SLC39A12: variants seen among roughly 807,000 people sequenced by gnomAD.
SLC39A12 encodes the protein solute carrier family 39 member 12.
SLC39A12 carries 63 observed loss-of-function variants against 71.1 expected under a neutral mutation model. The ratio of observed to expected loss-of-function variants is 0.89; its 90% CI spans 0.72 to 1.09. SLC39A12 has a LOEUF of 1.09. SLC39A12 is among the 50% of genes least tolerant of loss of function. SLC39A12 has a pLI of 0.00. For missense variants in SLC39A12, 892 were observed against 812.6 expected (o/e 1.10, Z -1.19); for synonymous variants, 351 against 301.3 (o/e 1.16, Z -1.71).
chr10:18,041,535 T>TAC lies in SLC39A12; in HGVS notation c.1948-1149_1948-1148dup, dbSNP rs56222977. ...TTATATATATATATATGTATATATA[T>TAC]ACACACACACACACACACACACGCA... On this transcript the variant is annotated intron_variant, in intron 12 of 12. Coordinates refer to ENST00000377369, the MANE Select transcript of SLC39A12 (RefSeq NM_001145195.2). Among the ~76,000 whole-genome samples the TAC allele has an allele frequency of 5.0e-3, 602 of 120,688 alleles. 20 individuals are homozygous for TAC. The highest frequency in any genetic ancestry group is 0.013 in the African/African-American group (434 of 32,232). 79.2% of individuals were successfully genotyped at this position (120,688 alleles called of 152,430 possible). A position where few individuals can be genotyped will look rare whatever the true frequency, so the allele number is the denominator to read the frequency against.
At position 18,043,244 on chromosome 10, in the gene SLC39A12, G is replaced by C. The variant is rs907791995; in HGVS notation, c.*411G>C. On this transcript the variant is annotated 3_prime_UTR_variant, in exon 13 of 13. Transcript: ENST00000377369. ...TTCCCTGTGCAATTATAAACTATAA[G>C]CAAGTTAAGTGACAAGCAAATGTAA... The C allele has an allele frequency of 6.5e-6, 1 of 153,468 alleles. No individual in the cohort carries two copies. The highest frequency in any genetic ancestry group is 2.4e-5 in the African/African-American group (1 of 41,442). 9.5% of individuals were successfully genotyped at this position (153,468 alleles called of 1,614,324 possible).
At chr10:17,994,626 T>A (rs1435710115) in intron 9 of SLC39A12, among the ~76,000 whole-genome samples, 1 of 152,180 alleles carries the variant, frequency 6.6e-6, no homozygotes, top group Non-Finnish European at 1.5e-5. Flanking sequence ...GATCACAATG[T>A]TTTTTGTTTC....
At position 17,981,338 on chromosome 10, in the gene SLC39A12, G is replaced by A. The variant is rs775528646; in HGVS notation, c.951G>A (p.Val317=). ...DQTCFSARQL[V]EIFLQKGLSL... The stretch of plus-strand genomic sequence containing the variant: ...CCTGCTTCTCTGCTAGGCAGCTGGT[G>A]GAGATATTTCTACAGAAGGGCCTCT... The change falls in exon 6 of 13, where the codon GTG becomes GTA. Residue 317 remains valine (V), a synonymous_variant. Coordinates refer to ENST00000377369, the MANE Select transcript of SLC39A12 (RefSeq NM_001145195.2). 1 of 1,612,182 alleles carries A rather than the reference G, an allele frequency of 6.2e-7. No homozygotes were observed. The highest frequency in any genetic ancestry group is 8.5e-7 in the Non-Finnish European group (1 of 1,178,898).
At position 17,953,468 on chromosome 10, in the gene SLC39A12, C is replaced by T; in HGVS notation, c.192C>T (p.Leu64=). 1 of 1,614,176 alleles carries T rather than the reference C, an allele frequency of 6.2e-7. No homozygotes were observed. Among genetic ancestry groups the T allele is most frequent in the Non-Finnish European group, 8.5e-7 (1 of 1,180,044 alleles). Residue 64 remains leucine (L), a synonymous_variant, in exon 2 of 13, where the codon CTC becomes CTT. Coordinates refer to ENST00000377369, the MANE Select transcript of SLC39A12 (RefSeq NM_001145195.2). ...CACCCCACAACCACTCAAGAAGCCTCATCAAAACATTGTTGGAGAAAACTG... is the reference window on the plus strand; with the variant it reads ...CACCCCACAACCACTCAAGAAGCCTTATCAAAACATTGTTGGAGAAAACTG... ...DHPPHNHSRS[L]IKTLLEKTGC... is the part of the protein sequence containing the mutation.
intron 5 of SLC39A12, 117 bp from the exon 6 acceptor site, chr10:17,981,195 T>A: frequency 1.2e-6 from 1 of 831,086 alleles, no homozygotes; most frequent in Non-Finnish European, 1.8e-6. Flanking sequence ...TCGTACCGGC[T>A]TCATGTGTGT....
At chr10:18,028,594 T>C (rs531239738) in intron 12 of SLC39A12, among the ~76,000 whole-genome samples, 1 of 152,236 alleles carries the variant, frequency 6.6e-6, no homozygotes, top group Non-Finnish European at 1.5e-5. Flanking sequence ...TAGGACCAGA[T>C]GCTGGTATTT....
In SLC39A12 at chr10:17,987,465, C is replaced by A. The variant is rs1302209386; in HGVS notation, c.1097-14C>A. On this transcript the variant is annotated splice_polypyrimidine_tract_variant and intron_variant, in intron 6 of 12. Transcript: ENST00000377369. ...ACTGGGCACTGACTGTGTTTACGAT[C>A]TCCTTTGACTTAGAATACGGCTACA... The A allele has an allele frequency of 6.2e-7, 1 of 1,612,578 alleles. No individual in the cohort carries two copies. Among genetic ancestry groups the A allele is most frequent in the Non-Finnish European group, 8.5e-7 (1 of 1,179,434 alleles).
At chr10:17,995,625 C>A (rs1380823116) in intron 9 of SLC39A12, 31 bp from the exon 10 acceptor site, 3 of 1,596,140 alleles carry the variant, frequency 1.9e-6, no homozygotes, top group Non-Finnish European at 2.6e-6. Context: ...CATTACTTAT[C>A]TTTCATCAGT....
At chr10:17,964,358 T>C (rs917482489) in intron 3 of SLC39A12, among the ~76,000 whole-genome samples, 1 of 152,214 alleles carries the variant, frequency 6.6e-6, no homozygotes, top group Non-Finnish European at 1.5e-5. Context: ...GCCAAGCTCT[T>C]CAATTACAGA....
chr10:18,029,096 C>G (rs930096935), intron 12 of SLC39A12, among the ~76,000 whole-genome samples: 1 of 151,680 alleles, frequency 6.6e-6, no homozygotes, highest in African/African-American at 2.4e-5. Flanking sequence ...TGGTCTCAAT[C>G]TCCTGAACTC....
At chr10:18,041,855 GTACATACATATGTATATGTATATATA>G (rs1837263292) in intron 12 of SLC39A12, among the ~76,000 whole-genome samples, 1 of 142,606 alleles carries the variant, frequency 7.0e-6, no homozygotes, top group African/African-American at 2.8e-5. Context: ...GTATATATAT[GTACATACATATGTATATGTATATATA>G]TACACACATA....
intron 4 of SLC39A12, 68 bp from the exon 5 acceptor site, chr10:17,977,834 A>G (rs1386196540): frequency 2.7e-6 from 3 of 1,131,998 alleles, no homozygotes; most frequent in Non-Finnish European, 2.4e-6. Context: ...TGCTGTAGCT[A>G]TGTGAAATTG....
intron 12 of SLC39A12, among the ~76,000 whole-genome samples, chr10:18,039,635 G>A (rs1259079769): frequency 6.6e-6 from 1 of 152,072 alleles, no homozygotes; most frequent in East Asian, 1.9e-4. Context: ...GGCTGAAGTG[G>A]GAGGATTGCT....
At chr10:18,024,416 G>C (rs1257750619) in intron 12 of SLC39A12, among the ~76,000 whole-genome samples, 2 of 152,134 alleles carry the variant, frequency 1.3e-5, no homozygotes, top group South Asian at 4.2e-4. Flanking sequence ...CATGGAAGAA[G>C]AGTGGGTCCC....
At chr10:18,008,833 T>C (rs1162857715) in intron 12 of SLC39A12, 1 of 152,174 alleles carries the variant, frequency 6.6e-6, no homozygotes, top group African/African-American at 2.4e-5. Context: ...CTCTTTACTT[T>C]CTTGCAGCTG....
intron 11 of SLC39A12, chr10:18,002,359 G>A (rs7894090): frequency 0.88 from 134,290 of 152,050 alleles, 59,587 homozygotes; most frequent in African/African-American, 0.97. Context: ...GCTCATTAAA[G>A]TGCACCTGGT....
intron 7 of SLC39A12, among the ~76,000 whole-genome samples, chr10:17,987,890 G>T (rs551524881): frequency 6.6e-6 from 1 of 152,146 alleles, no homozygotes; most frequent in African/African-American, 2.4e-5. Context: ...CAAAGGAAAG[G>T]TGGCAGGGCA....
At chr10:17,994,219 G>A (rs1835627166) in intron 9 of SLC39A12, among the ~76,000 whole-genome samples, 1 of 152,068 alleles carries the variant, frequency 6.6e-6, no homozygotes, top group African/African-American at 2.4e-5. Flanking sequence ...AGTGTCCAGA[G>A]CCCCAAGATG....
At chr10:17,991,070 G>A (rs1420294988) in intron 7 of SLC39A12, 81 bp from the exon 8 acceptor site, 1 of 1,297,994 alleles carries the variant, frequency 7.7e-7, no homozygotes, top group Non-Finnish European at 1.0e-6. Context: ...ATTCAACACT[G>A]GGCCTACTAT....
Sources: allele counts gnomAD v4.1 joint callset (sites outside exome capture counted in the v4.1 genomes callset), GRCh38; gene constraint gnomAD v4.1.1; transcripts MANE v1.5; gene names NCBI Gene and HGNC (gene_info 2026-07-23, HGNC 2026-07-21).